Variants in LIX1L observed in about 807,000 individuals in gnomAD.
The protein encoded by LIX1L is LIX1-like protein.
A neutral mutation model predicts 34.0 loss-of-function variants in LIX1L; 20 were observed. The observed-to-expected ratio is 0.59, with a 90% CI of 0.41 to 0.85. The LOEUF is 0.85. LIX1L is among the 40% of genes least tolerant of loss of function. The probability of loss-of-function intolerance (pLI) is 0.00; values close to 1 mark genes in which losing one functional copy is unlikely to be tolerated. For synonymous variants in LIX1L, 170 were observed against 187.4 expected (o/e 0.91, Z 0.76); for missense variants, 397 against 447.0 (o/e 0.89, Z 1.01).
intron 1 of LIX1L, among the ~76,000 whole-genome samples, chr1:145,955,692 T>A (rs1465589008): frequency 3.9e-5 from 6 of 152,172 alleles, no homozygotes; most frequent in Admixed American, 1.3e-4. Context: ...TCTGCCAGAC[T>A]TTCCTAAAGT....
At chr1:145,939,970 GTTAT>G (rs1232695373) in intron 3 of LIX1L, 4 of 151,612 alleles carry the variant, frequency 2.6e-5, no homozygotes, top group South Asian at 2.1e-4. Context: ...AATGAATTTA[GTTAT>G]TTATTTTTTG....
chr1:145,947,109 A>C (rs12068073), intron 2 of LIX1L: 10,819 of 153,410 alleles, frequency 0.071, 1,295 homozygotes, highest in African/African-American at 0.24. Context: ...GGGAAAAGTG[A>C]GGCCCAGAGA....
At position 145,947,460 on chromosome 1, in the gene LIX1L, G is replaced by A. The variant is rs1570968572; in HGVS notation, c.456+159C>T. ...AAGCATGCTACTGAGGTTCTACTAT[G>A]GTCAAATTGGCCTCAGATGCTTGCC... is the stretch of plus-strand genomic sequence containing the variant. On this transcript the variant is annotated intron_variant, in intron 2 of 5. Coordinates refer to ENST00000604000, the MANE Select transcript of LIX1L (RefSeq NM_153713.3). 26 of 710,340 alleles carry A rather than the reference G, an allele frequency of 3.7e-5. No individual in the cohort carries two copies. In the East Asian group the frequency reaches 6.1e-4, roughly 17 times the overall value. The allele number at this position is 710,340 out of a possible 1,614,324, so 44.0% of individuals were successfully genotyped here. A position where few individuals can be genotyped will look rare whatever the true frequency, so the allele number is the denominator to read the frequency against.
At chr1:145,947,548 C>G in intron 2 of LIX1L, 71 bp downstream of exon 2, 1 of 1,524,260 alleles carries the variant, frequency 6.6e-7, no homozygotes, top group Non-Finnish European at 9.0e-7. Context: ...GTTTAATGGC[C>G]AAAGTGGTGG....
chr1:145,954,921 C>T (rs1053620415), intron 1 of LIX1L, among the ~76,000 whole-genome samples: 1 of 152,124 alleles, frequency 6.6e-6, no homozygotes, highest in African/African-American at 2.4e-5. Flanking sequence ...AGTGGCAGAA[C>T]CAGGATTTAG....
chr1:145,937,059 A>T lies in LIX1L; in HGVS notation c.694-74T>A, dbSNP rs1229207470. 4.0e-6 allele frequency: 4 copies of T among 1,006,800 alleles called. No individual in the cohort carries two copies. In the African/African-American group the frequency reaches 4.7e-5, roughly 12 times the overall value. The allele number at this position is 1,006,800 out of a possible 1,614,324, so 62.4% of individuals were successfully genotyped here. A position where few individuals can be genotyped will look rare whatever the true frequency, so the allele number is the denominator to read the frequency against. On this transcript the variant is annotated intron_variant, in intron 4 of 5. Coordinates refer to ENST00000604000, the MANE Select transcript of LIX1L (RefSeq NM_153713.3). Reference sequence around the variant, plus strand: ...AGGTTGCATCAGAATTACATGGGAAACCTTTTACAAAATGGATTTGTAGAA... The same window carrying T: ...AGGTTGCATCAGAATTACATGGGAATCCTTTTACAAAATGGATTTGTAGAA...
At position 145,948,205 on chromosome 1, in the gene LIX1L, A is replaced by G. The variant is rs1014636283; in HGVS notation, c.293-423T>C. Among the ~76,000 whole-genome samples, 4 of 152,238 alleles carry G rather than the reference A, an allele frequency of 2.6e-5. No individual in the cohort carries two copies. Among genetic ancestry groups the G allele is most frequent in the Middle Eastern group, 3.2e-3 (1 of 316 alleles). On this transcript the variant is annotated intron_variant, in intron 1 of 5. Coordinates refer to ENST00000604000, the MANE Select transcript of LIX1L (RefSeq NM_153713.3). The surrounding 1 kb of genome is among the most constrained non-coding windows in gnomAD (Gnocchi z 4.0). ...GCCCAGGATGATAATAACCACCACA[A>G]TAAGTGCTAACATGTATTGAACTGT...
intron 1 of LIX1L, among the ~76,000 whole-genome samples, chr1:145,955,374 G>T (rs1398893410): frequency 6.6e-6 from 1 of 152,190 alleles, no homozygotes; most frequent in Non-Finnish European, 1.5e-5. Context: ...ATGAGTGAAG[G>T]TAGATCTAAA....
Position 145,957,940 on chromosome 1 carries a change from T to A in LIX1L, c.-13A>T. ...GCATAGTCTCCATCCCGGCCGCCAATGGAGTAGCGCCCCGGAGCCTGCCAG... is the reference window on the plus strand; with the variant it reads ...GCATAGTCTCCATCCCGGCCGCCAAAGGAGTAGCGCCCCGGAGCCTGCCAG... On this transcript the variant is annotated 5_prime_UTR_variant, in exon 1 of 6. Transcript: ENST00000604000. The A allele has an allele frequency of 6.8e-7, 1 of 1,463,326 alleles. No individual in the cohort carries two copies. The highest frequency in any genetic ancestry group is 9.0e-7 in the Non-Finnish European group (1 of 1,108,764). 90.6% of individuals were successfully genotyped at this position (1,463,326 alleles called of 1,614,324 possible). A position where few individuals can be genotyped will look rare whatever the true frequency, so the allele number is the denominator to read the frequency against.
At chr1:145,950,072 T>G (rs587653639) in intron 1 of LIX1L, 2 of 152,316 alleles carry the variant, frequency 1.3e-5, no homozygotes, top group African/African-American at 4.8e-5. Context: ...AAAGTGCTCC[T>G]CCTCCACCTT....
chr1:145,957,910 C>A lies in LIX1L; in HGVS notation c.18G>T (p.Ala6=), dbSNP rs1553760688. The A allele has an allele frequency of 1.3e-6, 2 of 1,488,756 alleles. No homozygotes were observed. The highest frequency in any genetic ancestry group is 4.8e-5 in the Admixed American group (2 of 41,970). The allele number at this position is 1,488,756 out of a possible 1,614,324, so 92.2% of individuals were successfully genotyped here. METMR[A]QRLQPGVGTS... Reference sequence around the variant, plus strand: ...TGCCCACACCAGGCTGCAGCCGCTGCGCTCGCATAGTCTCCATCCCGGCCG... The same window carrying A: ...TGCCCACACCAGGCTGCAGCCGCTGAGCTCGCATAGTCTCCATCCCGGCCG... The change falls in exon 1 of 6, where the codon GCG becomes GCT. Residue 6 remains alanine, a synonymous_variant. Coordinates refer to ENST00000604000, the MANE Select transcript of LIX1L (RefSeq NM_153713.3).
chr1:145,935,731 T>C lies in LIX1L; in HGVS notation c.*579A>G, dbSNP rs1278142724. On this transcript the variant is annotated 3_prime_UTR_variant, in exon 6 of 6. Coordinates refer to ENST00000604000, the MANE Select transcript of LIX1L (RefSeq NM_153713.3). ...TCCCTGGGCAGTTTCTTAGGAGGGG[T>C]TTCAGAAGCAAGATCTCTACTTCCT... The C allele has an allele frequency of 1.3e-5, 2 of 153,508 alleles. No individual in the cohort carries two copies. Among genetic ancestry groups the C allele is most frequent in the African/African-American group, 4.8e-5 (2 of 41,376 alleles). The allele number at this position is 153,508 out of a possible 1,614,324, so 9.5% of individuals were successfully genotyped here.
intron 2 of LIX1L, among the ~76,000 whole-genome samples, chr1:145,944,329 A>G (rs587747282): frequency 1.3e-5 from 2 of 152,326 alleles, no homozygotes; most frequent in South Asian, 2.1e-4. Flanking sequence ...ACTGCACTCC[A>G]GCCTGGGCAA....
At position 145,936,243 on chromosome 1, in the gene LIX1L, C is replaced by T; in HGVS notation, c.*67G>A. On this transcript the variant is annotated 3_prime_UTR_variant, in exon 6 of 6. Transcript: ENST00000604000. ...TGAGAAAGTATGTACAAAAAATCAT[C>T]CTAAATCTTAGAAAGGAGACATAAA... The T allele has an allele frequency of 6.5e-7, 1 of 1,549,856 alleles. No homozygotes were observed. The highest frequency in any genetic ancestry group is 1.2e-5 in the South Asian group (1 of 81,748).
rs955810651 is a variant in LIX1L, at chr1:145,957,809, G to A, written c.119C>T (p.Ala40Val). The A allele has an allele frequency of 1.3e-5, 18 of 1,365,692 alleles. No homozygotes were observed. In the African/African-American group the frequency reaches 2.3e-4, roughly 17 times the overall value. 84.6% of individuals were successfully genotyped at this position (1,365,692 alleles called of 1,614,324 possible). ...AGGCGGCGGGGCAGGCGGGGGGCCC[G>A]CAGGGGGTGTGGCGGTGGCGGCCGC... The part of the protein sequence containing the change: ...GAAAATATPP[A>V]GPPPAPPPPA... The change falls in exon 1 of 6, where the codon GCG (alanine) becomes GTG (valine). Residue 40 changes from alanine (A) to valine (V), a missense_variant. Physicochemically the swap from Ala to Val is moderately conservative, Grantham distance 64. Coordinates refer to ENST00000604000, the MANE Select transcript of LIX1L (RefSeq NM_153713.3).
At position 145,950,575 on chromosome 1, in the gene LIX1L, C is replaced by T. The variant is rs1416355674; in HGVS notation, c.293-2793G>A. 2.6e-5 allele frequency among the ~76,000 whole-genome samples: 4 copies of T among 151,748 alleles called. No individual in the cohort carries two copies. The East Asian group carries it at 7.8e-4, about 29-fold the overall frequency. On this transcript the variant is annotated intron_variant, in intron 1 of 5. Coordinates refer to ENST00000604000, the MANE Select transcript of LIX1L (RefSeq NM_153713.3). ...TAGAGACAGGGTTTCACCGTGTTAG[C>T]CAGGATGATCTTGATCTCCTGACCT...
intron 2 of LIX1L, among the ~76,000 whole-genome samples, chr1:145,946,762 T>C (rs1649127480): frequency 6.6e-6 from 1 of 152,174 alleles, no homozygotes; most frequent in South Asian, 2.1e-4. Flanking sequence ...AGTGATATGA[T>C]AGGGGAAGTT....
intron 2 of LIX1L, among the ~76,000 whole-genome samples, chr1:145,946,134 A>G (rs1363996289): frequency 2.0e-5 from 3 of 151,810 alleles, no homozygotes; most frequent in Non-Finnish European, 4.4e-5. Flanking sequence ...AACAAAAAAA[A>G]ACAAGTGAAA....
chr1:145,957,940 T>G lies in LIX1L; in HGVS notation c.-13A>C. On this transcript the variant is annotated 5_prime_UTR_variant, in exon 1 of 6. Coordinates refer to ENST00000604000, the MANE Select transcript of LIX1L (RefSeq NM_153713.3). The stretch of plus-strand genomic sequence containing the variant: ...GCATAGTCTCCATCCCGGCCGCCAA[T>G]GGAGTAGCGCCCCGGAGCCTGCCAG... The G allele has an allele frequency of 6.8e-7, 1 of 1,463,326 alleles. No homozygotes were observed. Among genetic ancestry groups the G allele is most frequent in the South Asian group, 1.3e-5 (1 of 74,222 alleles). 90.6% of individuals were successfully genotyped at this position (1,463,326 alleles called of 1,614,324 possible).
Sources: allele counts gnomAD v4.1 joint callset (sites outside exome capture counted in the v4.1 genomes callset), GRCh38; gene constraint gnomAD v4.1.1; non-coding constraint Gnocchi (gnomAD v3.1); transcripts MANE v1.5; gene names NCBI Gene and HGNC (gene_info 2026-07-23, HGNC 2026-07-21).